CHN2: variants seen among roughly 807,000 people sequenced by gnomAD.
CHN2 encodes the protein chimerin 2.
In CHN2, 35 loss-of-function variants were observed where a neutral mutation model predicts 56.3. That is an observed-to-expected ratio of 0.62 (90% CI 0.47 to 0.82). CHN2 has a LOEUF of 0.82. Ranked by LOEUF, CHN2 falls within the 40% of genes least tolerant of loss-of-function variation. The pLI, the probability that CHN2 is intolerant of heterozygous loss-of-function variation, is 0.00. For synonymous variants in CHN2, 210 were observed against 212.8 expected, an observed-to-expected ratio of 0.99 and a Z score of 0.12; for missense variants, 491 against 580.5, an observed-to-expected ratio of 0.85 and a Z score of 1.58.
At position 29,197,470 on chromosome 7, in the gene CHN2, G is replaced by T. The variant is rs569660544; in HGVS notation, c.49+2480G>T. Among the ~76,000 whole-genome samples, 3 of 152,292 alleles carry T rather than the reference G, an allele frequency of 2.0e-5. No individual in the cohort carries two copies. The East Asian group carries it at 5.8e-4, about 29-fold the overall frequency. On this transcript the variant is annotated intron_variant, in intron 1 of 12. Transcript: ENST00000222792. ...TACTTGGTAGAGTGTCTTGGGGATT[G>T]AATGAAATAATGTGTGTGGAGTATT...
At chr7:29,331,811 C>T (rs1796238947) in intron 1 of CHN2, among the ~76,000 whole-genome samples, 1 of 152,028 alleles carries the variant, frequency 6.6e-6, no homozygotes, top group African/African-American at 2.4e-5. Context: ...CCTGTAATCC[C>T]AGCACTTTGG....
intron 1 of CHN2, among the ~76,000 whole-genome samples, chr7:29,344,333 T>A (rs79357864): frequency 0.028 from 4,306 of 152,318 alleles, 87 homozygotes; most frequent in Middle Eastern, 0.045. Context: ...GACTCTGTAT[T>A]ATCCCCGCTT....
chr7:29,427,468 G>T (rs1464318503), intron 6 of CHN2, among the ~76,000 whole-genome samples: 3 of 152,008 alleles, frequency 2.0e-5, no homozygotes, highest in Non-Finnish European at 4.4e-5. Context: ...AACTTTAGGT[G>T]TCAAAGGTCA....
intron 2 of CHN2, among the ~76,000 whole-genome samples, chr7:29,149,189 C>CCT (rs1554348023): frequency 1.0e-5 from 1 of 100,340 alleles, no homozygotes; most frequent in Non-Finnish European, 1.8e-5. Flanking sequence ...GTCTGTTTCC[C>CCT]TTTTTTTTTT....
At chr7:29,354,306 A>G (rs1250517391) in intron 1 of CHN2, among the ~76,000 whole-genome samples, 1 of 152,242 alleles carries the variant, frequency 6.6e-6, no homozygotes, top group Non-Finnish European at 1.5e-5. Context: ...AGTTAAGTAA[A>G]TACCATTTGA....
chr7:29,191,132 A>C (rs1484274715), upstream of CHN2, among the ~76,000 whole-genome samples: 1 of 152,030 alleles, frequency 6.6e-6, no homozygotes, highest in African/African-American at 2.4e-5. Context: ...ATGAGGCCTC[A>C]TGTTGCTCAG....
At chr7:29,276,926 C>A (rs749481083) in intron 1 of CHN2, among the ~76,000 whole-genome samples, 1 of 152,150 alleles carries the variant, frequency 6.6e-6, no homozygotes, top group African/African-American at 2.4e-5. Flanking sequence ...CTAACACAAG[C>A]CTTAAATGAA....
chr7:29,382,691 G>A (rs768156783), intron 3 of CHN2, among the ~76,000 whole-genome samples: 41 of 152,138 alleles, frequency 2.7e-4, no homozygotes, highest in Non-Finnish European at 4.6e-4. Context: ...CAGTAAGATC[G>A]CCACGGCCCT....
At position 29,504,802 on chromosome 7, in the gene CHN2, C is replaced by T; in HGVS notation, c.972C>T (p.Val324=). ...GGTTCACTGAACACATTGAAGATGTCAAAATGGCATTTGACAGAGGTAAGC... is the reference window on the plus strand; with the variant it reads ...GGTTCACTGAACACATTGAAGATGTTAAAATGGCATTTGACAGAGGTAAGC... ...VSGFTEHIED[V]KMAFDRDGEK... The change falls in exon 10 of 13, where the codon GTC becomes GTT. Residue 324 remains valine, a synonymous_variant. Transcript: ENST00000222792. 6.2e-7 allele frequency: 1 copy of T among 1,612,666 alleles called. No homozygotes were observed. The highest frequency in any genetic ancestry group is 8.5e-7 in the Non-Finnish European group (1 of 1,179,272).
At chr7:29,233,937 C>T (rs2128804154) in intron 1 of CHN2, among the ~76,000 whole-genome samples, 1 of 147,094 alleles carries the variant, frequency 6.8e-6, no homozygotes, top group African/African-American at 2.5e-5. Context: ...GGGTTCACGC[C>T]ATTCTCCTGC....
At chr7:29,399,768 A>T (rs60427015) in intron 5 of CHN2, among the ~76,000 whole-genome samples, 3,927 of 152,256 alleles carry the variant, frequency 0.026, 178 homozygotes, top group African/African-American at 0.089. Context: ...GCATATCTTA[A>T]ATAATGTAAT....
chr7:29,456,832 C>CT (rs1057488922), intron 6 of CHN2, among the ~76,000 whole-genome samples: 68 of 152,178 alleles, frequency 4.5e-4, no homozygotes, highest in African/African-American at 1.5e-3. Flanking sequence ...GCCCTGGTGG[C>CT]TGCCTCCTGG....
intron 1 of CHN2, among the ~76,000 whole-genome samples, chr7:29,316,244 C>T (rs1361338078): frequency 1.3e-5 from 2 of 152,178 alleles, no homozygotes; most frequent in African/African-American, 4.8e-5. Context: ...ATTTGAGCTT[C>T]CTGGTCATTT....
chr7:29,400,441 TG>T, intron 5 of CHN2, 101 bp from the exon 6 acceptor site: 3 of 1,165,058 alleles, frequency 2.6e-6, no homozygotes, highest in Non-Finnish European at 3.7e-6. Context: ...GCCCTGTGCC[TG>T]GGATACACTA....
intron 6 of CHN2, among the ~76,000 whole-genome samples, chr7:29,422,347 C>T (rs1804433263): frequency 6.6e-6 from 1 of 152,168 alleles, no homozygotes; most frequent in African/African-American, 2.4e-5. Context: ...GCCAGGTGTG[C>T]TATCAATTCC....
At chr7:29,377,010 T>C (rs966752907) in intron 3 of CHN2, among the ~76,000 whole-genome samples, 10 of 152,200 alleles carry the variant, frequency 6.6e-5, no homozygotes, top group African/African-American at 2.4e-4. Flanking sequence ...TCAGGTTTTT[T>C]TGTTTGCTTG....
chr7:29,505,375 A>G (rs762331115), intron 10 of CHN2, among the ~76,000 whole-genome samples: 5 of 152,206 alleles, frequency 3.3e-5, no homozygotes, highest in Non-Finnish European at 5.9e-5. Flanking sequence ...TAATTCTGGT[A>G]CAGCCAGTCA....
chr7:29,238,923 G>A (rs555995685), intron 1 of CHN2, among the ~76,000 whole-genome samples: 3 of 152,346 alleles, frequency 2.0e-5, no homozygotes, highest in Non-Finnish European at 2.9e-5. Context: ...GGAAGTTGGC[G>A]TGTGTGAGGA....
intron 1 of CHN2, among the ~76,000 whole-genome samples, chr7:29,302,435 C>G (rs1157322597): frequency 6.6e-6 from 1 of 151,890 alleles, no homozygotes; most frequent in Non-Finnish European, 1.5e-5. Flanking sequence ...GCGATCCTCC[C>G]ACATCAGCCT....
Sources: gnomAD v4.1 joint callset for allele counts (sites outside exome capture counted in the v4.1 genomes callset) on GRCh38, gnomAD v4.1.1 for gene constraint, MANE v1.5 for transcripts, NCBI Gene and HGNC (gene_info 2026-07-23, HGNC 2026-07-21) for gene names.